SH3BP5L: variants seen among roughly 807,000 people sequenced by gnomAD.
The protein encoded by SH3BP5L is SH3 binding domain protein 5 like, also known as SH3 domain-binding protein 5-like.
Under a neutral mutation model 40.9 loss-of-function variants are expected in SH3BP5L, and 16 were observed. The observed-to-expected ratio is 0.39, with a 90% CI of 0.27 to 0.59. The LOEUF (loss-of-function observed/expected upper bound fraction) is 0.59. Ranked by LOEUF, SH3BP5L falls within the 20% of genes least tolerant of loss-of-function variation. The pLI is 0.53. For missense variants in SH3BP5L, 471 were observed against 544.6 expected, an observed-to-expected ratio of 0.86 and a Z score of 1.35; for synonymous variants, 229 against 226.7, an observed-to-expected ratio of 1.01 and a Z score of -0.09.
In SH3BP5L at chr1:248,825,244, C is replaced by G; in HGVS notation, c.-309G>C. On this transcript the variant is annotated 5_prime_UTR_variant, in exon 2 of 7. Coordinates refer to ENST00000366472, the MANE Select transcript of SH3BP5L (RefSeq NM_030645.3). ...GGGCAAAGGGGGCTTGGATCCTGGA[C>G]CGAGGCCTGCTAGGAGGAGCACCAT... 1 of 1,105,576 alleles carries G rather than the reference C, an allele frequency of 9.0e-7. No homozygotes were observed. The highest frequency in any genetic ancestry group is 3.1e-5 in the South Asian group (1 of 32,486). The allele number at this position is 1,105,576 out of a possible 1,614,324, so 68.5% of individuals were successfully genotyped here. A position where few individuals can be genotyped will look rare whatever the true frequency, so the allele number is the denominator to read the frequency against.
rs1384280686 is a variant in SH3BP5L at position 248,821,656 on chromosome 1, T to C, written c.183+3097A>G. On this transcript the variant is annotated intron_variant, in intron 2 of 6. Transcript: ENST00000366472. The surrounding 1 kb of genome is among the most constrained non-coding windows in gnomAD (Gnocchi z 4.6). ...TCACAGAACAGACCCAGGTCCATCCTAGATCCACGCTCCTTTCCTCTTCCC... is the reference window on the plus strand; with the variant it reads ...TCACAGAACAGACCCAGGTCCATCCCAGATCCACGCTCCTTTCCTCTTCCC... 1.3e-5 allele frequency among the ~76,000 whole-genome samples: 2 copies of C among 151,986 alleles called. No individual in the cohort carries two copies. The highest frequency in any genetic ancestry group is 4.8e-5 in the African/African-American group (2 of 41,378).
chr1:248,815,587 T>C (rs558784863), intron 4 of SH3BP5L, among the ~76,000 whole-genome samples: 1 of 152,202 alleles, frequency 6.6e-6, no homozygotes, highest in African/African-American at 2.4e-5. Context: ...TAAGTGTGCC[T>C]TTCATATGCA....
In SH3BP5L at chr1:248,814,469, G is replaced by A; in HGVS notation, c.517C>T (p.Leu173=). ...CTCACCTTGCAGGTAGCATGGTTCAGCATCTCCTGCCACGTGGGGTCCAGT... is the reference window on the plus strand; with the variant it reads ...CTCACCTTGCAGGTAGCATGGTTCAACATCTCCTGCCACGTGGGGTCCAGT... ...NRLDPTWQEM[L]NHATCKVNEA... The change falls in exon 5 of 7, where the codon CTG becomes TTG. Residue 173 remains leucine (L), a synonymous_variant. Coordinates refer to ENST00000366472, the MANE Select transcript of SH3BP5L (RefSeq NM_030645.3). 2 of 1,614,164 alleles carry A rather than the reference G, an allele frequency of 1.2e-6. No homozygotes were observed. Among genetic ancestry groups the A allele is most frequent in the Non-Finnish European group, 1.7e-6 (2 of 1,180,032 alleles).
At chr1:248,825,437 T>C (rs1392274196) in intron 1 of SH3BP5L, 71 bp from the exon 2 acceptor site, 14 of 974,872 alleles carry the variant, frequency 1.4e-5, no homozygotes, top group Non-Finnish European at 1.7e-5. Context: ...CCCTTCCAAC[T>C]CTACAGCCTC....
chr1:248,817,120 C>T (rs1373483174), intron 2 of SH3BP5L: 2 of 1,371,284 alleles, frequency 1.5e-6, no homozygotes, highest in Non-Finnish European at 2.0e-6. Flanking sequence ...GGTAGTAAAA[C>T]CCCAGTTTCA....
chr1:248,825,278 G>A lies in SH3BP5L; in HGVS notation c.-343C>T. On this transcript the variant is annotated 5_prime_UTR_variant, in exon 2 of 7. Coordinates refer to ENST00000366472, the MANE Select transcript of SH3BP5L (RefSeq NM_030645.3). Reference sequence around the variant, plus strand: ...GCTAGGAGGAGCACCATTCGGGAGGGTGGAGGCAGGCGCCTCCAGGCTGTG... The same window carrying A: ...GCTAGGAGGAGCACCATTCGGGAGGATGGAGGCAGGCGCCTCCAGGCTGTG... 9.6e-7 allele frequency: 1 copy of A among 1,037,542 alleles called. No homozygotes were observed. The highest frequency in any genetic ancestry group is 3.9e-5 in the South Asian group (1 of 25,672). The allele number at this position is 1,037,542 out of a possible 1,614,324, so 64.3% of individuals were successfully genotyped here.
chr1:248,811,503 C>A lies in SH3BP5L; in HGVS notation c.*397G>T. 1 of 194,552 alleles carries A rather than the reference C, an allele frequency of 5.1e-6. No homozygotes were observed. Among genetic ancestry groups the A allele is most frequent in the Non-Finnish European group, 1.0e-5 (1 of 96,004 alleles). The allele number at this position is 194,552 out of a possible 1,614,324, so 12.1% of individuals were successfully genotyped here. A position where few individuals can be genotyped will look rare whatever the true frequency, so the allele number is the denominator to read the frequency against. ...TCCCCTCCGACGGGAGTACTCAGGC[C>A]CAGCACCCATTTTCTCTGATGAGCT... On this transcript the variant is annotated 3_prime_UTR_variant, in exon 7 of 7. Transcript: ENST00000366472.
intron 2 of SH3BP5L, among the ~76,000 whole-genome samples, chr1:248,819,924 T>C (rs1169217308): frequency 6.6e-6 from 1 of 152,068 alleles, no homozygotes; most frequent in Non-Finnish European, 1.5e-5. Context: ...AGCCACATTT[T>C]TTAAAAGTAA....
In SH3BP5L at chr1:248,816,662, C is replaced by T. The variant is rs746387592; in HGVS notation, c.247G>A (p.Glu83Lys). Reference protein sequence around the residue: ...EINQVELQLDEARTTYRRILQ... With the variant: ...EINQVELQLDKARTTYRRILQ... ...ATCCTCCGATAGGTGGTCCTGGCCT[C>T]CTGGAAAGGAACAAGGCAGAGGAAA... Residue 83 changes from glutamate (E) to lysine (K), a missense_variant and splice_region_variant, in exon 4 of 7, where the codon GAG (glutamate) becomes AAG (lysine). By Grantham distance (56) the Glu-to-Lys change is moderately conservative (BLOSUM62 1). Around this residue, in one of 2 missense-constraint regions of SH3BP5L, gnomAD observed 275 missense variants for 370.1 expected, o/e 0.74. Coordinates refer to ENST00000366472, the MANE Select transcript of SH3BP5L (RefSeq NM_030645.3). 1 of 1,614,068 alleles carries T rather than the reference C, an allele frequency of 6.2e-7. No individual in the cohort carries two copies. The highest frequency in any genetic ancestry group is 8.5e-7 in the Non-Finnish European group (1 of 1,180,030).
chr1:248,813,002 C>T lies in SH3BP5L; in HGVS notation c.698G>A (p.Ser233Asn). ...RPYFELKAQF[S>N]QILEEHKAKV... ...CCACTCAGCTACCTCCAGGATCTGG[C>T]TGAACTGGGCCTTGAGCTCAAAGTA... The change falls in exon 6 of 7, where the codon AGC becomes AAC. Residue 233 changes from serine (S) to asparagine (N), a missense_variant. By Grantham distance (46) the Ser-to-Asn change is conservative. Transcript: ENST00000366472. The T allele has an allele frequency of 6.3e-7, 1 of 1,590,030 alleles. No individual in the cohort carries two copies. The highest frequency in any genetic ancestry group is 8.6e-7 in the Non-Finnish European group (1 of 1,164,450).
chr1:248,814,825 T>C, intron 4 of SH3BP5L: 1 of 681,294 alleles, frequency 1.5e-6, no homozygotes, highest in Non-Finnish European at 2.7e-6. Context: ...ATTTTGCCAG[T>C]GGAGGGTAGA....
At chr1:248,815,088 C>A (rs1664067212) in intron 4 of SH3BP5L, among the ~76,000 whole-genome samples, 1 of 152,132 alleles carries the variant, frequency 6.6e-6, no homozygotes, top group South Asian at 2.1e-4. Context: ...AGTTATAGGA[C>A]ATCGGTTAAA....
chr1:248,823,626 G>A (rs1177052704), intron 2 of SH3BP5L, among the ~76,000 whole-genome samples: 2 of 151,806 alleles, frequency 1.3e-5, no homozygotes, highest in African/African-American at 4.8e-5. Context: ...TTATAAGCAT[G>A]GACACAGTAG....
chr1:248,825,397 C>T, intron 1 of SH3BP5L, 31 bp from the exon 2 acceptor site: 4 of 990,616 alleles, frequency 4.0e-6, no homozygotes, highest in Non-Finnish European at 3.6e-6. Flanking sequence ...AGTATATGGT[C>T]ATGTCAGCAT....
In SH3BP5L at chr1:248,811,920, G is replaced by A; in HGVS notation, c.1162C>T (p.Gln388Ter). The A allele has an allele frequency of 6.5e-7, 1 of 1,540,342 alleles. No homozygotes were observed. The highest frequency in any genetic ancestry group is 8.8e-7 in the Non-Finnish European group (1 of 1,141,252). Residue 388 changes from glutamine (Q) to a stop codon, truncating the protein, a stop_gained, in exon 7 of 7, where the codon CAG becomes TAG. Coordinates refer to ENST00000366472, the MANE Select transcript of SH3BP5L (RefSeq NM_030645.3). LOFTEE classifies it high-confidence loss of function. ...CTCGGCTACAGGCTGACGCTGCGCT[G>A]GTGCCGACCCCCACGGGCTCCGCCG... ...SDGGARGGRH[Q>*]RSVSL
rs529378630 is a variant in SH3BP5L, at chr1:248,810,773, A to C, written c.*1127T>G. ...TGTGGCTTCCCTACAAACTGGGAGC[A>C]CTGCCAGGCAGCTGGAGCTGCTCCC... On this transcript the variant is annotated 3_prime_UTR_variant, in exon 7 of 7. Transcript: ENST00000366472. 1 of 152,538 alleles carries C rather than the reference A, an allele frequency of 6.6e-6. No homozygotes were observed. Among genetic ancestry groups the C allele is most frequent in the South Asian group, 2.1e-4 (1 of 4,832 alleles). 9.4% of individuals were successfully genotyped at this position (152,538 alleles called of 1,614,324 possible). A position where few individuals can be genotyped will look rare whatever the true frequency, so the allele number is the denominator to read the frequency against.
In SH3BP5L at chr1:248,824,820, C is replaced by T. The variant is rs1448806281; in HGVS notation, c.116G>A (p.Gly39Asp). Residue 39 changes from glycine to aspartate, a missense_variant, in exon 2 of 7, where the codon GGT becomes GAT. Coordinates refer to ENST00000366472, the MANE Select transcript of SH3BP5L (RefSeq NM_030645.3). ...TTTGGCCTCACTGCTGCTGCTTCCACCTCCTCCAGGCTCTTCTGCGACTGG... is the reference window on the plus strand; with the variant it reads ...TTTGGCCTCACTGCTGCTGCTTCCATCTCCTCCAGGCTCTTCTGCGACTGG... The part of the protein sequence containing the change: ...RSPVAEEPGG[G>D]GSSSSEAKLS... The T allele has an allele frequency of 6.2e-7, 1 of 1,614,086 alleles. No homozygotes were observed. The highest frequency in any genetic ancestry group is 1.3e-5 in the African/African-American group (1 of 74,924).
chr1:248,811,740 G>A lies in SH3BP5L; in HGVS notation c.*160C>T. On this transcript the variant is annotated 3_prime_UTR_variant, in exon 7 of 7. Transcript: ENST00000366472. ...AAGGGGGAGGCTGTGAGAACGCCAG[G>A]GCAGGCACAGAGGACTCGAACACAG... 1 of 593,310 alleles carries A rather than the reference G, an allele frequency of 1.7e-6. No individual in the cohort carries two copies. Among genetic ancestry groups the A allele is most frequent in the Non-Finnish European group, 2.9e-6 (1 of 343,684 alleles). The allele number at this position is 593,310 out of a possible 1,614,324, so 36.8% of individuals were successfully genotyped here.
chr1:248,820,791 C>T (rs1298753848), intron 2 of SH3BP5L: 1 of 152,200 alleles, frequency 6.6e-6, no homozygotes, highest in Non-Finnish European at 1.5e-5. Context: ...GTTCATGTGG[C>T]AAATCAAAGT....
Sources: gnomAD v4.1 joint callset for allele counts (sites outside exome capture counted in the v4.1 genomes callset) on GRCh38, gnomAD v4.1.1 for gene constraint, gnomAD v4.1.1 regional missense constraint, Gnocchi (gnomAD v3.1) non-coding constraint, MANE v1.5 for transcripts, NCBI Gene and HGNC (gene_info 2026-07-23, HGNC 2026-07-21) for gene names.